The following GALNT17 variants were observed in gnomAD, a reference collection of about 807,000 sequenced individuals.
GALNT17 encodes the protein polypeptide N-acetylgalactosaminyltransferase 17.
A neutral mutation model predicts 63.7 loss-of-function variants in GALNT17; 29 were observed. The observed-to-expected ratio is 0.46, with a 90% CI of 0.34 to 0.62. The LOEUF is 0.62. Ranked by LOEUF, GALNT17 falls within the 20% of genes least tolerant of loss-of-function variation. The pLI is 0.01. For synonymous variants in GALNT17, 305 were observed against 318.3 expected, an observed-to-expected ratio of 0.96 and a Z score of 0.45; for missense variants, 603 against 799.6, an observed-to-expected ratio of 0.75 and a Z score of 2.97.
intron 6 of GALNT17, among the ~76,000 whole-genome samples, chr7:71,603,738 A>C (rs886291201): frequency 6.6e-6 from 1 of 152,070 alleles, no homozygotes; most frequent in African/African-American, 2.4e-5. Flanking sequence ...ACTGGATACT[A>C]TGCTAAGTAC....
At chr7:71,266,991 G>A (rs1231177297) in intron 1 of GALNT17, among the ~76,000 whole-genome samples, 8 of 152,216 alleles carry the variant, frequency 5.3e-5, no homozygotes, top group Non-Finnish European at 1.2e-4. Flanking sequence ...AAAGTGTGCA[G>A]AGCCTCCAGT....
chr7:71,451,871 A>C (rs10755839), intron 5 of GALNT17, among the ~76,000 whole-genome samples: 150,829 of 152,210 alleles, frequency 0.99, 74,746 homozygotes, highest in Middle Eastern at 1. Flanking sequence ...TTCTTAATTT[A>C]TTTCACCGAA....
At chr7:71,406,717 C>T (rs7783759) in intron 3 of GALNT17, among the ~76,000 whole-genome samples, 3,504 of 148,514 alleles carry the variant, frequency 0.024, 138 homozygotes, top group African/African-American at 0.082. Context: ...TATTCTCAGG[C>T]GCACCTGTAT....
chr7:71,163,323 A>G (rs534584179), intron 1 of GALNT17, among the ~76,000 whole-genome samples: 78 of 152,258 alleles, frequency 5.1e-4, no homozygotes, highest in Admixed American at 1.0e-3. Context: ...TGGATGTACT[A>G]TTCTAGATCT....
At chr7:71,351,755 A>C (rs1190253123) in intron 2 of GALNT17, among the ~76,000 whole-genome samples, 1 of 152,034 alleles carries the variant, frequency 6.6e-6, no homozygotes, top group African/African-American at 2.4e-5. Flanking sequence ...TGAGAGAATA[A>C]ATTTCTGTTG....
chr7:71,390,212 CG>C (rs529809594), intron 3 of GALNT17, among the ~76,000 whole-genome samples: 30 of 152,234 alleles, frequency 2.0e-4, no homozygotes, highest in Middle Eastern at 6.8e-3. Flanking sequence ...CAAGCTGCTC[CG>C]TCGTCCGGAA....
At chr7:71,708,281 C>T (rs1450926441) in intron 9 of GALNT17, among the ~76,000 whole-genome samples, 1 of 152,038 alleles carries the variant, frequency 6.6e-6, no homozygotes, top group African/African-American at 2.4e-5. Context: ...GAGGAGGCCT[C>T]GCAATCATGT....
chr7:71,235,852 G>C (rs536310777), intron 1 of GALNT17, among the ~76,000 whole-genome samples: 1 of 152,152 alleles, frequency 6.6e-6, no homozygotes, highest in Non-Finnish European at 1.5e-5. Flanking sequence ...CTGGTTCCCA[G>C]TGTCCTTGGA....
intron 2 of GALNT17, among the ~76,000 whole-genome samples, chr7:71,338,419 A>G (rs552207540): frequency 6.6e-6 from 1 of 151,908 alleles, no homozygotes; most frequent in Non-Finnish European, 1.5e-5. Flanking sequence ...AGTCCCAGCT[A>G]CTCCTGAGGC....
intron 5 of GALNT17, among the ~76,000 whole-genome samples, chr7:71,553,830 T>C (rs7803346): frequency 0.31 from 47,534 of 151,944 alleles, 7,553 homozygotes; most frequent in Admixed American, 0.34. Flanking sequence ...ATCAAGATTT[T>C]GACAGGCTGT....
At chr7:71,661,822 G>A (rs941196989) in intron 6 of GALNT17, among the ~76,000 whole-genome samples, 4 of 152,178 alleles carry the variant, frequency 2.6e-5, no homozygotes, top group African/African-American at 7.2e-5. Context: ...CACACTTAGT[G>A]TGCTGGCTGA....
chr7:71,593,215 T>G (rs3942005), intron 6 of GALNT17, among the ~76,000 whole-genome samples: 144,369 of 144,416 alleles, frequency 1, 72,161 homozygotes, highest in Middle Eastern at 1. Context: ...GGACAAGAAG[T>G]CTAAATGGAA....
chr7:71,710,441 G>T (rs2099174018), intron 9 of GALNT17, among the ~76,000 whole-genome samples: 1 of 152,190 alleles, frequency 6.6e-6, no homozygotes, highest in Non-Finnish European at 1.5e-5. Context: ...CTGGGAAGCG[G>T]AGGTTGCAGT....
intron 1 of GALNT17, among the ~76,000 whole-genome samples, chr7:71,312,201 C>T (rs1487434428): frequency 6.6e-6 from 1 of 152,218 alleles, no homozygotes; most frequent in Non-Finnish European, 1.5e-5. Context: ...GGGGTTAGCC[C>T]TGCTCTGCAA....
chr7:71,208,137 A>C (rs1170261408), intron 1 of GALNT17, among the ~76,000 whole-genome samples: 2 of 152,010 alleles, frequency 1.3e-5, no homozygotes, highest in Non-Finnish European at 2.9e-5. Flanking sequence ...GGTTTTCTTC[A>C]TGTTGCCTAG....
Position 71,421,124 on chromosome 7 carries a change from C to G in GALNT17, c.962+19C>G. On this transcript the variant is annotated intron_variant, in intron 5 of 10. Coordinates refer to ENST00000333538, the MANE Select transcript of GALNT17 (RefSeq NM_022479.3). ...CCATCAGGTCTGTGGCTGGTGAGCC[C>G]TGGCGGCCAACGAGCCCCCAAATTC... The G allele has an allele frequency of 6.2e-7, 1 of 1,613,438 alleles. No individual in the cohort carries two copies. The highest frequency in any genetic ancestry group is 2.2e-5 in the East Asian group (1 of 44,842).
intron 6 of GALNT17, among the ~76,000 whole-genome samples, chr7:71,597,256 G>C (rs1337506029): frequency 1.3e-5 from 2 of 151,938 alleles, no homozygotes; most frequent in Non-Finnish European, 2.9e-5. Context: ...AGCCAGGATG[G>C]TCTCGATCTC....
intron 5 of GALNT17, among the ~76,000 whole-genome samples, chr7:71,493,358 A>C (rs1055865140): frequency 6.6e-6 from 1 of 152,208 alleles, no homozygotes; most frequent in Non-Finnish European, 1.5e-5. Flanking sequence ...AAAGAGAAGG[A>C]AATGAGTTTT....
At chr7:71,698,144 AAAG>A (rs1487567322) in intron 9 of GALNT17, among the ~76,000 whole-genome samples, 1 of 151,232 alleles carries the variant, frequency 6.6e-6, no homozygotes. Flanking sequence ...AAAAAAAAGA[AAAG>A]AAAAGAAAGA....
Sources: gnomAD v4.1 joint callset for allele counts (sites outside exome capture counted in the v4.1 genomes callset) on GRCh38, gnomAD v4.1.1 for gene constraint, MANE v1.5 for transcripts, NCBI Gene and HGNC (gene_info 2026-07-23, HGNC 2026-07-21) for gene names.